The following DOCK4 variants were observed in gnomAD, a reference collection of about 807,000 sequenced individuals.
DOCK4 encodes the protein dedicator of cytokinesis 4.
A neutral mutation model predicts 268.1 loss-of-function variants in DOCK4; 97 were observed. The ratio of observed to expected loss-of-function variants is 0.36; its 90% CI spans 0.31 to 0.43. The LOEUF is 0.43. Among genes scored for constraint, DOCK4 ranks in the 20% least tolerant of loss-of-function variants. The pLI is 1.00. For missense variants in DOCK4, 2,145 were observed against 2,455.7 expected (o/e 0.87, Z 2.67); for synonymous variants, 954 against 887.2 (o/e 1.08, Z -1.34).
chr7:111,797,048 T>C (rs1563518206), intron 30 of DOCK4, among the ~76,000 whole-genome samples: 1 of 152,228 alleles, frequency 6.6e-6, no homozygotes, highest in Non-Finnish European at 1.5e-5. Context: ...TTCTCACTTC[T>C]TTTTCTAAAT....
At chr7:112,134,466 T>A (rs1245085347) in intron 1 of DOCK4, among the ~76,000 whole-genome samples, 1 of 152,194 alleles carries the variant, frequency 6.6e-6, no homozygotes, top group Non-Finnish European at 1.5e-5. Flanking sequence ...ACGCCTGTAA[T>A]CCCAGCACTT....
intron 1 of DOCK4, among the ~76,000 whole-genome samples, chr7:112,057,843 A>C (rs571177043): frequency 6.6e-6 from 1 of 151,956 alleles, no homozygotes; most frequent in Non-Finnish European, 1.5e-5. Context: ...CTAAAAGTAC[A>C]TAATCATATT....
intron 6 of DOCK4, among the ~76,000 whole-genome samples, chr7:111,987,948 G>A (rs1799180387): frequency 6.6e-6 from 1 of 152,216 alleles, no homozygotes; most frequent in Admixed American, 6.5e-5. Context: ...GAGTGAGATG[G>A]AGGTTTAAAA....
At chr7:111,799,184 T>C (rs1404246271) in intron 30 of DOCK4, among the ~76,000 whole-genome samples, 1 of 152,212 alleles carries the variant, frequency 6.6e-6, no homozygotes. Flanking sequence ...CCCTCAGAAT[T>C]GCTATGGTCA....
chr7:111,793,055 G>C (rs1799660396), intron 30 of DOCK4, among the ~76,000 whole-genome samples: 1 of 152,092 alleles, frequency 6.6e-6, no homozygotes, highest in Non-Finnish European at 1.5e-5. Context: ...TTTTCCTTTA[G>C]GCTAAAATAT....
rs572701393 is a variant in DOCK4, at chr7:111,949,953, G to A, written c.702-4155C>T. Among the ~76,000 whole-genome samples, 10 of 152,262 alleles carry A rather than the reference G, an allele frequency of 6.6e-5. No individual in the cohort carries two copies. The South Asian group carries it at 8.3e-4, about 13-fold the overall frequency. The stretch of plus-strand genomic sequence containing the variant: ...TTTCCTTTCTTTCTTTTGAGACGGA[G>A]TCTCGTTCTATCACCCAGGCTGGAG... On this transcript the variant is annotated intron_variant, in intron 8 of 52. Transcript: ENST00000428084.
At chr7:112,066,670 CATAT>C (rs1221626143) in intron 1 of DOCK4, among the ~76,000 whole-genome samples, 2 of 51,676 alleles carry the variant, frequency 3.9e-5, no homozygotes, top group Non-Finnish European at 7.5e-5. Context: ...TATACATATA[CATAT>C]ACATATATAC....
chr7:111,734,799 A>AT, intron 51 of DOCK4, among the ~76,000 whole-genome samples: 1 of 152,314 alleles, frequency 6.6e-6, no homozygotes. Flanking sequence ...GCCTCCCCGA[A>AT]TTTGAGAATG....
At chr7:112,021,846 C>G (rs1802347429) in intron 1 of DOCK4, among the ~76,000 whole-genome samples, 1 of 152,112 alleles carries the variant, frequency 6.6e-6, no homozygotes, top group Non-Finnish European at 1.5e-5. Flanking sequence ...CTGCGCTTCC[C>G]TAGTTTACAT....
Position 112,093,139 on chromosome 7 carries a change from T to C in DOCK4, c.38-89008A>G, listed in dbSNP as rs149774554. ...GCTGCTGCATCCTTAAATAGGCAGA[T>C]AGTCACGCTGTTGCTTGGAAGAATA... On this transcript the variant is annotated intron_variant, in intron 1 of 52. Transcript: ENST00000428084. Among the ~76,000 whole-genome samples the C allele has an allele frequency of 7.2e-5, 11 of 152,266 alleles. No homozygotes were observed. The South Asian group carries it at 1.5e-3, about 20-fold the overall frequency.
intron 26 of DOCK4, among the ~76,000 whole-genome samples, chr7:111,829,705 G>A (rs927229019): frequency 1.3e-5 from 2 of 152,140 alleles, no homozygotes; most frequent in Admixed American, 1.3e-4. Context: ...ATTAAAATTA[G>A]TTAATATTAA....
At chr7:111,777,792 A>C (rs1200474866) in intron 36 of DOCK4, among the ~76,000 whole-genome samples, 1 of 151,868 alleles carries the variant, frequency 6.6e-6, no homozygotes, top group Non-Finnish European at 1.5e-5. Flanking sequence ...ATGCTTTTAT[A>C]AGGGAGAGTT....
intron 1 of DOCK4, among the ~76,000 whole-genome samples, chr7:112,130,510 G>T (rs1813703616): frequency 6.6e-6 from 1 of 152,176 alleles, no homozygotes; most frequent in Admixed American, 6.5e-5. Context: ...TTTGTCAGTT[G>T]TTTTTTCTGT....
At chr7:111,893,941 G>A (rs1192167747) in intron 16 of DOCK4, among the ~76,000 whole-genome samples, 1 of 152,192 alleles carries the variant, frequency 6.6e-6, no homozygotes, top group East Asian at 1.9e-4. Flanking sequence ...TACCAGGTGT[G>A]GGCTGGGCGC....
intron 12 of DOCK4, among the ~76,000 whole-genome samples, chr7:111,932,231 G>A (rs1794258599): frequency 6.6e-6 from 1 of 152,142 alleles, no homozygotes; most frequent in Non-Finnish European, 1.5e-5. Flanking sequence ...AAAAGGAGTT[G>A]GGAAAGACAT....
intron 16 of DOCK4, among the ~76,000 whole-genome samples, chr7:111,892,170 G>A (rs1042704929): frequency 3.3e-5 from 5 of 152,138 alleles, no homozygotes; most frequent in East Asian, 1.9e-4. Context: ...ATGTTCATCC[G>A]TATTTTTAAG....
chr7:111,914,696 T>C (rs1792440797), intron 13 of DOCK4, among the ~76,000 whole-genome samples: 1 of 152,150 alleles, frequency 6.6e-6, no homozygotes, highest in Non-Finnish European at 1.5e-5. Context: ...TCTCCATCTC[T>C]CCACCCACTA....
At chr7:111,880,977 G>A (rs571427094) in intron 16 of DOCK4, among the ~76,000 whole-genome samples, 15 of 152,216 alleles carry the variant, frequency 9.9e-5, no homozygotes, top group African/African-American at 3.6e-4. Flanking sequence ...TGAAACTACT[G>A]TAAGAAAACA....
chr7:111,977,128 G>T lies in DOCK4; in HGVS notation c.701+4C>A. ...ATTGAAACCCTATCTCCACGTGCAGGTACCTGATTGGCCGGTTCTCTTTAC... is the reference window on the plus strand; with the variant it reads ...ATTGAAACCCTATCTCCACGTGCAGTTACCTGATTGGCCGGTTCTCTTTAC... On this transcript the variant is annotated splice_donor_region_variant and intron_variant, in intron 8 of 52. Coordinates refer to ENST00000428084, the MANE Select transcript of DOCK4 (RefSeq NM_001363540.2). 3 of 1,613,018 alleles carry T rather than the reference G, an allele frequency of 1.9e-6. No homozygotes were observed. The highest frequency in any genetic ancestry group is 2.5e-6 in the Non-Finnish European group (3 of 1,179,530).
Sources: gnomAD v4.1 joint callset for allele counts (sites outside exome capture counted in the v4.1 genomes callset) on GRCh38, gnomAD v4.1.1 for gene constraint, MANE v1.5 for transcripts, NCBI Gene and HGNC (gene_info 2026-07-23, HGNC 2026-07-21) for gene names.